The following CNOT10 variants were observed in gnomAD, a reference collection of about 807,000 sequenced individuals.
CNOT10 encodes CCR4-NOT transcription complex, subunit 10.
CNOT10 carries 30 observed loss-of-function variants against 94.6 expected under a neutral mutation model. That is an observed-to-expected ratio of 0.32 (90% CI 0.24 to 0.43). The LOEUF is 0.43. Among genes scored for constraint, CNOT10 ranks in the 20% least tolerant of loss-of-function variants. CNOT10 has a pLI of 1.00. For synonymous variants in CNOT10, 289 were observed against 301.6 expected (o/e 0.96, Z 0.43); for missense variants, 759 against 877.2 (o/e 0.87, Z 1.70).
At chr3:32,690,999 T>TTA (rs1696825757) in intron 1 of CNOT10, among the ~76,000 whole-genome samples, 2 of 146,370 alleles carry the variant, frequency 1.4e-5, no homozygotes, top group South Asian at 4.4e-4. Flanking sequence ...AGCTATGACT[T>TTA]TTTTTTTTTT....
rs1452331630 is a variant in CNOT10 at position 32,725,367 on chromosome 3, C to T, written c.863-83C>T. On this transcript the variant is annotated intron_variant, in intron 8 of 18. Transcript: ENST00000328834. ...AAGTGGAATGGTAACAGTGTTAACTCGTGCAAGATGAGCCCAATTCTTGTC... is the reference window on the plus strand; with the variant it reads ...AAGTGGAATGGTAACAGTGTTAACTTGTGCAAGATGAGCCCAATTCTTGTC... 1.5e-5 allele frequency: 15 copies of T among 1,005,720 alleles called. No individual in the cohort carries two copies. In the African/African-American group the frequency reaches 1.9e-4, roughly 13 times the overall value. 62.3% of individuals were successfully genotyped at this position (1,005,720 alleles called of 1,614,324 possible).
chr3:32,707,431 C>CT (rs1697674241), intron 3 of CNOT10, among the ~76,000 whole-genome samples: 2 of 152,098 alleles, frequency 1.3e-5, no homozygotes, highest in Non-Finnish European at 2.9e-5. Flanking sequence ...TGAAAATATA[C>CT]TTTCTAGCCC....
At position 32,773,867 on chromosome 3, in the gene CNOT10, T is replaced by G. The variant is rs1298687512; in HGVS notation, c.*256T>G. 1 of 366,874 alleles carries G rather than the reference T, an allele frequency of 2.7e-6. No individual in the cohort carries two copies. The highest frequency in any genetic ancestry group is 4.3e-5 in the East Asian group (1 of 23,358). 22.7% of individuals were successfully genotyped at this position (366,874 alleles called of 1,614,324 possible). A position where few individuals can be genotyped will look rare whatever the true frequency, so the allele number is the denominator to read the frequency against. ...TGCCATAGGCAATTAAAACATAATT[T>G]TATCAGAAGTCTTTTACACTTTTAT... On this transcript the variant is annotated 3_prime_UTR_variant, in exon 19 of 19. Transcript: ENST00000328834.
chr3:32,693,289 T>C (rs1192282368), intron 1 of CNOT10, among the ~76,000 whole-genome samples: 1 of 151,950 alleles, frequency 6.6e-6, no homozygotes, highest in Non-Finnish European at 1.5e-5. Context: ...TGATCTTGGC[T>C]CACCGCAGCC....
intron 5 of CNOT10, 57 bp downstream of exon 5, chr3:32,713,426 TGTTG>T: frequency 2.9e-6 from 4 of 1,381,386 alleles, no homozygotes; most frequent in Non-Finnish European, 3.9e-6. Context: ...TCTCTCTACT[TGTTG>T]GTTTACTGGA....
At chr3:32,758,111 G>A (rs560344928) in intron 13 of CNOT10, among the ~76,000 whole-genome samples, 13 of 152,234 alleles carry the variant, frequency 8.5e-5, no homozygotes, top group African/African-American at 2.4e-4. Flanking sequence ...GAAGAACAGC[G>A]GATTGGGAGT....
chr3:32,708,852 A>G lies in CNOT10; in HGVS notation c.430+32A>G, dbSNP rs376011282. ...TATCTGTCAAGTCAAAAATTTCCCTATCTTCCCTATACTTGCAGAATTCTC... is the reference window on the plus strand; with the variant it reads ...TATCTGTCAAGTCAAAAATTTCCCTGTCTTCCCTATACTTGCAGAATTCTC... On this transcript the variant is annotated intron_variant, in intron 4 of 18. Coordinates refer to ENST00000328834, the MANE Select transcript of CNOT10 (RefSeq NM_015442.3). 5.8e-5 allele frequency: 92 copies of G among 1,580,426 alleles called. 1 individual carries two copies. The highest frequency in any genetic ancestry group is 1.8e-4 in the South Asian group (16 of 87,914).
At chr3:32,746,836 CAAA>C (rs71630540) in intron 13 of CNOT10, among the ~76,000 whole-genome samples, 36 of 84,150 alleles carry the variant, frequency 4.3e-4, no homozygotes, top group East Asian at 4.1e-3. Context: ...GACTCCGTCT[CAAA>C]AAAAAAAAAA....
intron 7 of CNOT10, among the ~76,000 whole-genome samples, chr3:32,718,582 T>TC (rs1207071676): frequency 1.1e-4 from 3 of 26,988 alleles, no homozygotes; most frequent in Non-Finnish European, 1.4e-4. Context: ...AGACTCATTC[T>TC]CAAAAAAAAA....
intron 13 of CNOT10, chr3:32,753,252 G>A: frequency 1.3e-6 from 1 of 786,042 alleles, no homozygotes; most frequent in Non-Finnish European, 2.3e-6. Flanking sequence ...GCTAATTTCA[G>A]TGTCTGGATT....
chr3:32,707,676 G>T (rs1390291126), intron 3 of CNOT10, among the ~76,000 whole-genome samples: 1 of 152,096 alleles, frequency 6.6e-6, no homozygotes, highest in Non-Finnish European at 1.5e-5. Context: ...TGTGGTGCAT[G>T]CCTGTAGTCC....
At position 32,734,929 on chromosome 3, in the gene CNOT10, T is replaced by A; in HGVS notation, c.1467T>A (p.Asn489Lys). 1 of 1,614,084 alleles carries A rather than the reference T, an allele frequency of 6.2e-7. No individual in the cohort carries two copies. The highest frequency in any genetic ancestry group is 8.5e-7 in the Non-Finnish European group (1 of 1,179,986). Residue 489 changes from asparagine (N) to lysine (K), a missense_variant, in exon 12 of 19, where the codon AAT (asparagine) becomes AAA (lysine). Around this residue, in one of 3 missense-constraint regions of CNOT10, gnomAD observed 682 missense variants for 799.4 expected, o/e 0.85. Transcript: ENST00000328834. ...PKQENGAKNS[N>K]QLGGNTESSE... ...AGGAAAATGGGGCTAAAAATAGTAA[T>A]CAATTAGGTGGGAACACAGAGAGCA... is the stretch of plus-strand genomic sequence containing the variant.
rs905315447 is a variant in CNOT10, at chr3:32,700,325, G to A, written c.23-3543G>A. Among the ~76,000 whole-genome samples, 9 of 152,242 alleles carry A rather than the reference G, an allele frequency of 5.9e-5. No homozygotes were observed. In the South Asian group the frequency reaches 1.0e-3, roughly 18 times the overall value. On this transcript the variant is annotated intron_variant, in intron 1 of 18. Transcript: ENST00000328834. The stretch of plus-strand genomic sequence containing the variant: ...TGGAGTTACTGAATCTGAGTTGGAA[G>A]GGATGCTAAAAACTATTTAATACAG...
intron 13 of CNOT10, among the ~76,000 whole-genome samples, chr3:32,755,135 A>G (rs1025035274): frequency 2.0e-5 from 3 of 150,666 alleles, no homozygotes; most frequent in Admixed American, 2.0e-4. Context: ...AGTCCCAGCT[A>G]CTCGGGAGGC....
chr3:32,737,590 C>A, intron 13 of CNOT10, 100 bp downstream of exon 13: 2 of 665,504 alleles, frequency 3.0e-6, no homozygotes, highest in Admixed American at 3.0e-5. Context: ...TTTGGGAGGC[C>A]GAGGCTGGTG....
chr3:32,727,953 T>C, intron 10 of CNOT10, 83 bp downstream of exon 10: 1 of 879,838 alleles, frequency 1.1e-6, no homozygotes, highest in Non-Finnish European at 1.8e-6. Flanking sequence ...AAAAAAACCT[T>C]GGAAACATAC....
rs1331326986 is a variant in CNOT10, at chr3:32,738,526, G to A, written c.1595+1036G>A. On this transcript the variant is annotated intron_variant, in intron 13 of 18. Transcript: ENST00000328834. ...CTCCCAGGCTGGAGTGCAGTGGCGC[G>A]ATCTCGGCTCACTGCAAGCTCCGCC... Among the ~76,000 whole-genome samples, 7 of 150,290 alleles carry A rather than the reference G, an allele frequency of 4.7e-5. No individual in the cohort carries two copies. The East Asian group carries it at 1.2e-3, about 25-fold the overall frequency.
chr3:32,717,588 G>A (rs1698180008), intron 7 of CNOT10, among the ~76,000 whole-genome samples: 1 of 152,028 alleles, frequency 6.6e-6, no homozygotes, highest in African/African-American at 2.4e-5. Context: ...AAACATTTAT[G>A]GCCAGGTGGT....
Position 32,743,526 on chromosome 3 carries a change from C to T in CNOT10, c.1595+6036C>T, listed in dbSNP as rs112792256. 7.9e-5 allele frequency among the ~76,000 whole-genome samples: 12 copies of T among 152,016 alleles called. No homozygotes were observed. The South Asian group carries it at 1.5e-3, about 18-fold the overall frequency. The stretch of plus-strand genomic sequence containing the variant: ...GCACACACCTGCAGTCCCAGCTACA[C>T]GGGAGGCTGAGGCAGGAGAATTGCT... On this transcript the variant is annotated intron_variant, in intron 13 of 18. Transcript: ENST00000328834.
Sources: gnomAD v4.1 joint callset for allele counts (sites outside exome capture counted in the v4.1 genomes callset) on GRCh38, gnomAD v4.1.1 for gene constraint, gnomAD v4.1.1 regional missense constraint, MANE v1.5 for transcripts, NCBI Gene and HGNC (gene_info 2026-07-23, HGNC 2026-07-21) for gene names.